Variants in PKN2 observed in about 807,000 individuals in gnomAD.
PKN2 encodes the protein protein kinase N2.
Under a neutral mutation model 119.1 loss-of-function variants are expected in PKN2, and 38 were observed. The ratio of observed to expected loss-of-function variants is 0.32; its 90% CI spans 0.25 to 0.42. The LOEUF is 0.42. Ranked by LOEUF, PKN2 falls within the 10% of genes least tolerant of loss-of-function variation. PKN2 has a pLI of 1.00. For missense variants in PKN2, 850 were observed against 1,165.1 expected (o/e 0.73, Z 3.94); for synonymous variants, 390 against 384.9 (o/e 1.01, Z -0.15).
intron 17 of PKN2, among the ~76,000 whole-genome samples, chr1:88,822,579 CT>C (rs1248235815): frequency 4.5e-3 from 611 of 134,964 alleles, no homozygotes; most frequent in African/African-American, 5.9e-3. Flanking sequence ...ATTATTTAAG[CT>C]TTTTTTTTTT....
Position 88,771,503 on chromosome 1 carries a change from T to C in PKN2, c.705T>C (p.Gly235=). Reference sequence around the variant, plus strand: ...GGATAGAGTTTGCAGTAGCAGAAGGTGCAAAGAATGTAATGAAATTACTTG... The same window carrying C: ...GGATAGAGTTTGCAGTAGCAGAAGGCGCAAAGAATGTAATGAAATTACTTG... ...HFRIEFAVAE[G]AKNVMKLLGS... Residue 235 remains glycine (G), a synonymous_variant, in exon 5 of 22, where the codon GGT becomes GGC. Transcript: ENST00000370521. 1 of 1,609,044 alleles carries C rather than the reference T, an allele frequency of 6.2e-7. No homozygotes were observed. Among genetic ancestry groups the C allele is most frequent in the Non-Finnish European group, 8.5e-7 (1 of 1,177,778 alleles).
intron 2 of PKN2, among the ~76,000 whole-genome samples, chr1:88,759,965 C>T (rs7511840): frequency 0.067 from 10,152 of 151,794 alleles, 695 homozygotes; most frequent in African/African-American, 0.18. Flanking sequence ...AATCATCTAA[C>T]TGAGTTTCAG....
chr1:88,727,141 G>A (rs574756762), intron 1 of PKN2, among the ~76,000 whole-genome samples: 2 of 147,878 alleles, frequency 1.4e-5, no homozygotes, highest in South Asian at 2.2e-4. Flanking sequence ...TGTCATCTTG[G>A]TGGATAGACT....
At chr1:88,809,375 A>G (rs1241784074) in intron 15 of PKN2, among the ~76,000 whole-genome samples, 1 of 152,224 alleles carries the variant, frequency 6.6e-6, no homozygotes, top group Non-Finnish European at 1.5e-5. Context: ...GAAGGGTCAA[A>G]TGTTTTCCTT....
At chr1:88,750,722 T>C (rs1455289192) in intron 2 of PKN2, among the ~76,000 whole-genome samples, 2 of 152,164 alleles carry the variant, frequency 1.3e-5, no homozygotes, top group Non-Finnish European at 2.9e-5. Context: ...TTTCTCTGTG[T>C]TTTCTGCCCC....
chr1:88,689,456 T>A (rs781390108), intron 1 of PKN2, among the ~76,000 whole-genome samples: 5 of 152,226 alleles, frequency 3.3e-5, no homozygotes, highest in Non-Finnish European at 7.3e-5. Flanking sequence ...TGGATCTAAT[T>A]AGCTTTTATT....
chr1:88,688,940 C>G (rs1666223295), intron 1 of PKN2, among the ~76,000 whole-genome samples: 1 of 152,116 alleles, frequency 6.6e-6, no homozygotes, highest in Non-Finnish European at 1.5e-5. Flanking sequence ...TCCCTTCTCC[C>G]AAAAATATTC....
At chr1:88,807,802 A>C in intron 15 of PKN2, 27 bp downstream of exon 15, 2 of 1,307,508 alleles carry the variant, frequency 1.5e-6, no homozygotes. Flanking sequence ...GAAATTGTTT[A>C]TTTTTCTGAA....
chr1:88,739,130 A>C (rs1276282968), intron 1 of PKN2, among the ~76,000 whole-genome samples: 2 of 152,170 alleles, frequency 1.3e-5, no homozygotes, highest in Admixed American at 6.5e-5. Context: ...ATACATAACA[A>C]CATGAAATTT....
chr1:88,790,103 C>G (rs1670756074), intron 8 of PKN2, among the ~76,000 whole-genome samples: 1 of 152,142 alleles, frequency 6.6e-6, no homozygotes, highest in African/African-American at 2.4e-5. Flanking sequence ...TAGAAGCATC[C>G]TTTCTGGGGC....
intron 1 of PKN2, among the ~76,000 whole-genome samples, chr1:88,715,681 C>T (rs1667419412): frequency 6.6e-6 from 1 of 152,030 alleles, no homozygotes; most frequent in Admixed American, 6.6e-5. Flanking sequence ...TTTGATTCTT[C>T]TCTCTTTTCT....
chr1:88,740,731 A>G (rs1052601606), intron 1 of PKN2, among the ~76,000 whole-genome samples: 1 of 152,088 alleles, frequency 6.6e-6, no homozygotes, highest in Admixed American at 6.6e-5. Flanking sequence ...TTGTGTGTAG[A>G]TGTGTTCACT....
chr1:88,782,940 A>G (rs566342000), intron 6 of PKN2, among the ~76,000 whole-genome samples: 1 of 152,238 alleles, frequency 6.6e-6, no homozygotes, highest in African/African-American at 2.4e-5. Context: ...ACTTGGAAAC[A>G]ATATGACCCT....
At chr1:88,754,302 A>G (rs549277739) in intron 2 of PKN2, among the ~76,000 whole-genome samples, 1 of 151,972 alleles carries the variant, frequency 6.6e-6, no homozygotes. Context: ...GCTATTTTTC[A>G]GTATTAATCT....
intron 1 of PKN2, among the ~76,000 whole-genome samples, chr1:88,696,573 A>G (rs1666550508): frequency 2.6e-5 from 4 of 152,174 alleles, no homozygotes; most frequent in Admixed American, 6.5e-5. Flanking sequence ...CTGAGTTGCT[A>G]TATGTCACAA....
chr1:88,775,012 A>T (rs1336071871), intron 6 of PKN2, among the ~76,000 whole-genome samples: 1 of 152,082 alleles, frequency 6.6e-6, no homozygotes, highest in East Asian at 1.9e-4. Context: ...CCCAGCCTCT[A>T]TTCTTACTTT....
chr1:88,715,394 T>C (rs1667406618), intron 1 of PKN2, among the ~76,000 whole-genome samples: 1 of 152,322 alleles, frequency 6.6e-6, no homozygotes, highest in Middle Eastern at 3.4e-3. Context: ...ATCCATCTGG[T>C]CCTGGACTTT....
intron 15 of PKN2, among the ~76,000 whole-genome samples, chr1:88,810,677 G>C (rs1671745815): frequency 6.6e-6 from 1 of 151,964 alleles, no homozygotes; most frequent in African/African-American, 2.4e-5. Flanking sequence ...AGTGATCTCG[G>C]CTCACTACAA....
chr1:88,800,434 A>C (rs1671258341), intron 8 of PKN2, among the ~76,000 whole-genome samples: 1 of 152,124 alleles, frequency 6.6e-6, no homozygotes, highest in Non-Finnish European at 1.5e-5. Context: ...CTGCACTCTC[A>C]TGTCTTCTTC....
Sources: allele counts gnomAD v4.1 joint callset (sites outside exome capture counted in the v4.1 genomes callset), GRCh38; gene constraint gnomAD v4.1.1; transcripts MANE v1.5; gene names NCBI Gene and HGNC (gene_info 2026-07-23, HGNC 2026-07-21).